Variants in MAPKAP1 observed in about 807,000 individuals in gnomAD.
MAPKAP1 encodes the protein MAPK associated protein 1.
Under a neutral mutation model 65.7 loss-of-function variants are expected in MAPKAP1, and 20 were observed. The observed-to-expected ratio is 0.30, with a 90% CI of 0.21 to 0.44. The LOEUF (loss-of-function observed/expected upper bound fraction) is 0.44. MAPKAP1 is among the 20% of genes least tolerant of loss of function. MAPKAP1 has a pLI of 1.00. For synonymous variants in MAPKAP1, 222 were observed against 244.3 expected (o/e 0.91, Z 0.85); for missense variants, 423 against 648.0 (o/e 0.65, Z 3.77).
At chr9:125,558,631 G>A (rs1488634500) in intron 6 of MAPKAP1, among the ~76,000 whole-genome samples, 2 of 152,106 alleles carry the variant, frequency 1.3e-5, no homozygotes, top group Admixed American at 1.3e-4. Context: ...ACAGCAGGGG[G>A]TGCCAAAGGG....
chr9:125,454,899 A>C (rs1321078127), intron 10 of MAPKAP1, among the ~76,000 whole-genome samples: 1 of 152,144 alleles, frequency 6.6e-6, no homozygotes, highest in Non-Finnish European at 1.5e-5. Context: ...GAAAGCACAG[A>C]TGTTGGCTGG....
chr9:125,461,910 C>T (rs1455405348), intron 10 of MAPKAP1, among the ~76,000 whole-genome samples: 1 of 152,152 alleles, frequency 6.6e-6, no homozygotes. Flanking sequence ...ACCTACTGGG[C>T]CCTCAGTGCA....
rs1248630539 is a variant in MAPKAP1 at position 125,438,293 on chromosome 9, C to T, written c.*594G>A. 2.5e-6 allele frequency: 1 copy of T among 398,598 alleles called. No homozygotes were observed. The highest frequency in any genetic ancestry group is 1.3e-4 in the South Asian group (1 of 7,834). 24.7% of individuals were successfully genotyped at this position (398,598 alleles called of 1,614,324 possible). The stretch of plus-strand genomic sequence containing the variant: ...TTTTAGTAAGACACTACCCTCGAAG[C>T]AAATGCACTCATTTAAACAAATGGC... On this transcript the variant is annotated 3_prime_UTR_variant, in exon 12 of 12. Coordinates refer to ENST00000265960, the MANE Select transcript of MAPKAP1 (RefSeq NM_001006617.3).
At chr9:125,560,553 C>T (rs927564375) in intron 5 of MAPKAP1, among the ~76,000 whole-genome samples, 2 of 152,078 alleles carry the variant, frequency 1.3e-5, no homozygotes, top group Non-Finnish European at 2.9e-5. Context: ...TACTTCACTC[C>T]AGCCTGGGCA....
chr9:125,585,469 C>G, intron 5 of MAPKAP1, 86 bp downstream of exon 5: 1 of 1,448,062 alleles, frequency 6.9e-7, no homozygotes, highest in Non-Finnish European at 9.5e-7. Context: ...CAGGCCAATG[C>G]CTAGAAAGAC....
chr9:125,515,075 T>C (rs10513450), intron 7 of MAPKAP1, among the ~76,000 whole-genome samples: 8,972 of 152,066 alleles, frequency 0.059, 783 homozygotes, highest in African/African-American at 0.2. Flanking sequence ...GAGGCTCAGA[T>C]TGGATAGTTT....
At chr9:125,493,366 C>T (rs147892184) in intron 8 of MAPKAP1, among the ~76,000 whole-genome samples, 198 of 152,332 alleles carry the variant, frequency 1.3e-3, no homozygotes, top group African/African-American at 4.7e-3. Context: ...CCCTGTCTCT[C>T]TCCTAAAGCA....
At chr9:125,608,128 T>C (rs1832493314) in intron 4 of MAPKAP1, among the ~76,000 whole-genome samples, 3 of 152,152 alleles carry the variant, frequency 2.0e-5, no homozygotes, top group South Asian at 4.1e-4. Flanking sequence ...CCCCATGTCA[T>C]AGTGTTATTA....
intron 9 of MAPKAP1, among the ~76,000 whole-genome samples, chr9:125,482,056 C>T (rs1208545769): frequency 6.7e-6 from 1 of 149,816 alleles, no homozygotes; most frequent in Non-Finnish European, 1.5e-5. Flanking sequence ...CACTTGAACC[C>T]AGGAGGCAGG....
At chr9:125,612,588 G>A (rs1832633640) in intron 4 of MAPKAP1, among the ~76,000 whole-genome samples, 1 of 152,148 alleles carries the variant, frequency 6.6e-6, no homozygotes, top group Non-Finnish European at 1.5e-5. Context: ...GTCCTGCAGT[G>A]TTTTTGAACA....
At chr9:125,533,089 G>A (rs768604639) in intron 7 of MAPKAP1, among the ~76,000 whole-genome samples, 8 of 152,164 alleles carry the variant, frequency 5.3e-5, no homozygotes, top group Non-Finnish European at 1.2e-4. Flanking sequence ...TGGGGTGTGT[G>A]TGTATGTGTA....
chr9:125,636,946 A>G (rs1411578098), intron 4 of MAPKAP1, among the ~76,000 whole-genome samples: 1 of 152,238 alleles, frequency 6.6e-6, no homozygotes, highest in African/African-American at 2.4e-5. Flanking sequence ...ATCTGATTAG[A>G]AATGCCACAA....
chr9:125,673,976 A>G (rs965430982), intron 1 of MAPKAP1, among the ~76,000 whole-genome samples: 1 of 152,054 alleles, frequency 6.6e-6, no homozygotes, highest in East Asian at 1.9e-4. Flanking sequence ...TACAAAAAAC[A>G]CTGTAATAAT....
chr9:125,489,071 C>G (rs571215820), intron 8 of MAPKAP1, among the ~76,000 whole-genome samples: 26 of 152,196 alleles, frequency 1.7e-4, no homozygotes, highest in Non-Finnish European at 3.2e-4. Flanking sequence ...TAAAATTACT[C>G]TACGACAACC....
chr9:125,524,350 C>T (rs1325811158), intron 7 of MAPKAP1, among the ~76,000 whole-genome samples: 2 of 152,220 alleles, frequency 1.3e-5, no homozygotes, highest in African/African-American at 4.8e-5. Flanking sequence ...GGTTATTATA[C>T]AGATTAAATG....
intron 7 of MAPKAP1, among the ~76,000 whole-genome samples, chr9:125,520,822 T>A (rs531366178): frequency 1.3e-5 from 2 of 152,312 alleles, no homozygotes; most frequent in Non-Finnish European, 1.5e-5. Flanking sequence ...GAGATTCCCA[T>A]TAGTGTCCCA....
chr9:125,442,450 T>C (rs1410263836), intron 11 of MAPKAP1, among the ~76,000 whole-genome samples: 2 of 152,034 alleles, frequency 1.3e-5, no homozygotes, highest in East Asian at 3.9e-4. Context: ...ATCAATCTGC[T>C]GTTGTGAAAA....
rs558830446 is a variant in MAPKAP1 at position 125,551,056 on chromosome 9, C to T, written c.849-7888G>A. 1.6e-4 allele frequency among the ~76,000 whole-genome samples: 25 copies of T among 152,214 alleles called. No individual in the cohort carries two copies. In the East Asian group the frequency reaches 4.8e-3, roughly 29 times the overall value. On this transcript the variant is annotated intron_variant, in intron 6 of 11. Coordinates refer to ENST00000265960, the MANE Select transcript of MAPKAP1 (RefSeq NM_001006617.3). ...AGTGAATTGCGTATAAGAAACTTTA[C>T]TGATGGGGTGTGGCCAATTTTAAAA...
rs561637983 is a variant in MAPKAP1, at chr9:125,451,967, G to A, written c.1346-7369C>T. 9.2e-5 allele frequency among the ~76,000 whole-genome samples: 14 copies of A among 151,970 alleles called. No homozygotes were observed. The East Asian group carries it at 1.4e-3, about 15-fold the overall frequency. On this transcript the variant is annotated intron_variant, in intron 10 of 11. Coordinates refer to ENST00000265960, the MANE Select transcript of MAPKAP1 (RefSeq NM_001006617.3). ...TGGGATTACAGGCGCCTGCCACCAC[G>A]CCAGGCTAATTTTTGTATTTTTAGT...
Sources: allele counts gnomAD v4.1 joint callset (sites outside exome capture counted in the v4.1 genomes callset), GRCh38; gene constraint gnomAD v4.1.1; transcripts MANE v1.5; gene names NCBI Gene and HGNC (gene_info 2026-07-23, HGNC 2026-07-21).